The following FOXJ2 variants were observed in gnomAD, a reference collection of about 807,000 sequenced individuals.
The protein encoded by FOXJ2 is forkhead box J2.
In FOXJ2, 18 loss-of-function variants were observed where a neutral mutation model predicts 68.4. The observed-to-expected ratio is 0.26, with a 90% CI of 0.18 to 0.39. FOXJ2 has a LOEUF of 0.39. FOXJ2 is among the 10% of genes least tolerant of loss of function. FOXJ2 has a pLI of 1.00. For synonymous variants in FOXJ2, 274 were observed against 263.2 expected (o/e 1.04, Z -0.40); for missense variants, 670 against 726.5 (o/e 0.92, Z 0.89).
At chr12:8,048,872 G>A (rs941498121) in intron 8 of FOXJ2, 74 bp downstream of exon 8, 7 of 1,239,448 alleles carry the variant, frequency 5.6e-6, no homozygotes, top group Non-Finnish European at 7.0e-6. Context: ...GAACCGGAAG[G>A]GGGTGGTTAA....
rs1947148233 is a variant in FOXJ2 at position 8,053,174 on chromosome 12, A to G, written c.*324A>G. ...GTCCACCTTTTGCTAATTTAAAATC[A>G]TCAGGCTGGAAGATGAAGCCATGAT... On this transcript the variant is annotated 3_prime_UTR_variant, in exon 11 of 11. Transcript: ENST00000162391. This position sits in a 1 kb window ranked among gnomAD's most constrained non-coding sequence, Gnocchi z 4.1. 6.5e-6 allele frequency: 1 copy of G among 152,970 alleles called. No individual in the cohort carries two copies. Among genetic ancestry groups the G allele is most frequent in the Non-Finnish European group, 1.5e-5 (1 of 68,488 alleles). 9.5% of individuals were successfully genotyped at this position (152,970 alleles called of 1,614,324 possible). A position where few individuals can be genotyped will look rare whatever the true frequency, so the allele number is the denominator to read the frequency against.
rs757005116 is a variant in FOXJ2, at chr12:8,040,150, T to C, written c.318T>C (p.Ala106=). 1 of 1,614,078 alleles carries C rather than the reference T, an allele frequency of 6.2e-7. No homozygotes were observed. Among genetic ancestry groups the C allele is most frequent in the Non-Finnish European group, 8.5e-7 (1 of 1,179,912 alleles). ...ATAACTTCCCCTATTACAAGAATGC[T>C]GGCATTGGTTGGAAGGTGGGAATGC... ...ICDNFPYYKN[A]GIGWKNSIRH... Residue 106 remains alanine, a synonymous_variant, in exon 2 of 11, where the codon GCT becomes GCC. Transcript: ENST00000162391. This position sits in a 1 kb window ranked among gnomAD's most constrained non-coding sequence, Gnocchi z 4.0.
At position 8,053,067 on chromosome 12, in the gene FOXJ2, C is replaced by G. The variant is rs984899211; in HGVS notation, c.*217C>G. 6 of 240,010 alleles carry G rather than the reference C, an allele frequency of 2.5e-5. No individual in the cohort carries two copies. Among genetic ancestry groups the G allele is most frequent in the Admixed American group, 2.1e-4 (4 of 18,610 alleles). 14.9% of individuals were successfully genotyped at this position (240,010 alleles called of 1,614,324 possible). The stretch of plus-strand genomic sequence containing the variant: ...TCTTCCTTCCTGTTTTTTCCTAGTT[C>G]TTTTATTATTATTCTTATATTATTA... On this transcript the variant is annotated 3_prime_UTR_variant, in exon 11 of 11. Coordinates refer to ENST00000162391, the MANE Select transcript of FOXJ2 (RefSeq NM_018416.3). The surrounding 1 kb of genome is among the most constrained non-coding windows in gnomAD (Gnocchi z 4.1).
chr12:8,032,752 C>T lies in FOXJ2; in HGVS notation c.-1096C>T. 1 of 397,322 alleles carries T rather than the reference C, an allele frequency of 2.5e-6. No homozygotes were observed. The highest frequency in any genetic ancestry group is 4.4e-6 in the Non-Finnish European group (1 of 225,272). The allele number at this position is 397,322 out of a possible 1,614,324, so 24.6% of individuals were successfully genotyped here. On this transcript the variant is annotated 5_prime_UTR_variant, in exon 1 of 11. Transcript: ENST00000162391. This position sits in a 1 kb window ranked among gnomAD's most constrained non-coding sequence, Gnocchi z 4.8. ...GAGCCGAGCCCGAGCCCGCGCCGAG[C>T]CCTGACACTGTCTGCCCGCCTTCTG... is the stretch of plus-strand genomic sequence containing the variant.
intron 6 of FOXJ2, among the ~76,000 whole-genome samples, chr12:8,045,191 G>A (rs1007868541): frequency 2.0e-5 from 3 of 149,360 alleles, no homozygotes; most frequent in Admixed American, 6.7e-5. Context: ...GTACAGGCAC[G>A]TGCTACCACG....
chr12:8,045,267 G>A (rs1264811196), intron 6 of FOXJ2, among the ~76,000 whole-genome samples: 2 of 147,586 alleles, frequency 1.4e-5, no homozygotes, highest in African/African-American at 5.0e-5. Flanking sequence ...CGCCCAGGCT[G>A]GAGTGCAGTG....
At chr12:8,049,694 A>T (rs1947089433) in intron 9 of FOXJ2, 123 bp downstream of exon 9, 3 of 841,088 alleles carry the variant, frequency 3.6e-6, no homozygotes, top group Non-Finnish European at 5.4e-6. Flanking sequence ...GAGCAGTGGA[A>T]CTAGTTTATC....
chr12:8,053,081 CTTATA>C lies in FOXJ2; in HGVS notation c.*236_*240del, dbSNP rs1947146989. The C allele has an allele frequency of 5.1e-6, 1 of 196,130 alleles. No individual in the cohort carries two copies. The highest frequency in any genetic ancestry group is 1.0e-5 in the Non-Finnish European group (1 of 97,714). The allele number at this position is 196,130 out of a possible 1,614,324, so 12.1% of individuals were successfully genotyped here. On this transcript the variant is annotated 3_prime_UTR_variant, in exon 11 of 11. Transcript: ENST00000162391. This position sits in a 1 kb window ranked among gnomAD's most constrained non-coding sequence, Gnocchi z 4.1. ...TTTTCCTAGTTCTTTTATTATTATT[CTTATA>C]TTATTATTATTATTATTGGTTATAT...
chr12:8,047,985 G>GCCA lies in FOXJ2; in HGVS notation c.923_925dup (p.Pro308dup). ...AACAGCAGCAGCAGCAGCAGCAGCCGCCACAGCCACCTCCCCAGCAGTCCC... is the reference window on the plus strand; with the variant it reads ...AACAGCAGCAGCAGCAGCAGCAGCCGCCACCACAGCCACCTCCCCAGCAGTCCC... On this transcript the variant is annotated inframe_insertion, in exon 7 of 11. Coordinates refer to ENST00000162391, the MANE Select transcript of FOXJ2 (RefSeq NM_018416.3). The GCCA allele has an allele frequency of 6.2e-7, 1 of 1,613,454 alleles. No homozygotes were observed. Among genetic ancestry groups the GCCA allele is most frequent in the East Asian group, 2.2e-5 (1 of 44,868 alleles).
rs369704188 is a variant in FOXJ2 at position 8,050,655 on chromosome 12, A to G, written c.1636+35A>G. 6 of 1,610,676 alleles carry G rather than the reference A, an allele frequency of 3.7e-6. No individual in the cohort carries two copies. In the Admixed American group the frequency reaches 6.7e-5, roughly 18 times the overall value. ...AAGAAGCTTGTTTCAAAACCGTTGT[A>G]CTCTGATGAGTTGCTTTGCTTTCCT... On this transcript the variant is annotated intron_variant, in intron 10 of 10. Coordinates refer to ENST00000162391, the MANE Select transcript of FOXJ2 (RefSeq NM_018416.3).
intron 3 of FOXJ2, 106 bp from the exon 4 acceptor site, chr12:8,043,595 A>T: frequency 9.1e-7 from 1 of 1,094,444 alleles, no homozygotes; most frequent in South Asian, 1.3e-5. Context: ...CCTCTGGCAT[A>T]CTCAGTGAGT....
At chr12:8,046,933 G>T (rs903574971) in intron 6 of FOXJ2, among the ~76,000 whole-genome samples, 2 of 152,178 alleles carry the variant, frequency 1.3e-5, no homozygotes, top group Admixed American at 1.3e-4. Context: ...TTGGTTGATT[G>T]GAGGAGGGAA....
In FOXJ2 at chr12:8,047,876, C is replaced by G. The variant is rs1445927597; in HGVS notation, c.818-6C>G. ...AGTCACTTGCCTGCTTCCTCCCCAC[C>G]TGCAGGCTTTTCTTCTCTCCTGGGG... is the stretch of plus-strand genomic sequence containing the variant. On this transcript the variant is annotated splice_polypyrimidine_tract_variant and splice_region_variant and intron_variant, in intron 6 of 10. Coordinates refer to ENST00000162391, the MANE Select transcript of FOXJ2 (RefSeq NM_018416.3). 22 of 1,565,740 alleles carry G rather than the reference C, an allele frequency of 1.4e-5. No individual in the cohort carries two copies. Among genetic ancestry groups the G allele is most frequent in the Non-Finnish European group, 1.9e-5 (22 of 1,150,250 alleles).
At chr12:8,047,283 C>G (rs1354014729) in intron 6 of FOXJ2, among the ~76,000 whole-genome samples, 2 of 152,064 alleles carry the variant, frequency 1.3e-5, no homozygotes, top group South Asian at 4.1e-4. Flanking sequence ...AACCCCGTCT[C>G]TACTAAAAAT....
chr12:8,039,008 T>C (rs1826098628), intron 1 of FOXJ2, among the ~76,000 whole-genome samples: 1 of 152,088 alleles, frequency 6.6e-6, no homozygotes, highest in African/African-American at 2.4e-5. Context: ...GGGAGGTCCT[T>C]GTGGATGACT....
rs764945894 is a variant in FOXJ2 at position 8,049,354 on chromosome 12, CTT to C, written c.1328-6_1328-5del. Reference sequence around the variant, plus strand: ...CAAGGTTTGCATTGCTTGCTTCCCTCTTTGTAGAACTGATGGAGAGTCTACGA... The same window carrying C: ...CAAGGTTTGCATTGCTTGCTTCCCTCTGTAGAACTGATGGAGAGTCTACGA... On this transcript the variant is annotated splice_region_variant and splice_polypyrimidine_tract_variant and intron_variant, in intron 8 of 10. Coordinates refer to ENST00000162391, the MANE Select transcript of FOXJ2 (RefSeq NM_018416.3). 1.2e-5 allele frequency: 20 copies of C among 1,600,044 alleles called. No homozygotes were observed. The East Asian group carries it at 4.0e-4, about 32-fold the overall frequency.
chr12:8,034,996 A>C (rs1205774074), intron 1 of FOXJ2, among the ~76,000 whole-genome samples: 1 of 152,206 alleles, frequency 6.6e-6, no homozygotes, highest in South Asian at 2.1e-4. Flanking sequence ...GTTGTGAAGG[A>C]GGCTTCATCT....
chr12:8,049,287 C>G (rs1947081488), intron 8 of FOXJ2, 75 bp from the exon 9 acceptor site: 1 of 1,175,544 alleles, frequency 8.5e-7, no homozygotes, highest in Admixed American at 2.1e-5. Context: ...GTGTTTGGAA[C>G]AGTGAGATAG....
rs137993824 is a variant in FOXJ2 at position 8,047,762 on chromosome 12, G to A, written c.818-120G>A. ...ACAGGGATCTTTGCTGCCCTAGAATGTTCTTACCCTTTTAACTCCACAGTT... is the reference window on the plus strand; with the variant it reads ...ACAGGGATCTTTGCTGCCCTAGAATATTCTTACCCTTTTAACTCCACAGTT... On this transcript the variant is annotated intron_variant, in intron 6 of 10. Coordinates refer to ENST00000162391, the MANE Select transcript of FOXJ2 (RefSeq NM_018416.3). 8.2e-4 allele frequency: 1,080 copies of A among 1,321,792 alleles called. 9 individuals carry two copies. The African/African-American group carries it at 0.014, about 18-fold the overall frequency. The allele number at this position is 1,321,792 out of a possible 1,614,324, so 81.9% of individuals were successfully genotyped here. A position where few individuals can be genotyped will look rare whatever the true frequency, so the allele number is the denominator to read the frequency against.
Sources: gnomAD v4.1 joint callset for allele counts (sites outside exome capture counted in the v4.1 genomes callset) on GRCh38, gnomAD v4.1.1 for gene constraint, Gnocchi (gnomAD v3.1) non-coding constraint, MANE v1.5 for transcripts, NCBI Gene and HGNC (gene_info 2026-07-23, HGNC 2026-07-21) for gene names.